Variants in ITPKB observed in about 807,000 individuals in gnomAD.
ITPKB encodes inositol-trisphosphate 3-kinase B, also known as IP3 3-kinase B.
ITPKB carries 13 observed loss-of-function variants against 69.4 expected under a neutral mutation model. That is an observed-to-expected ratio of 0.19 (90% confidence interval 0.12 to 0.30). The LOEUF (loss-of-function observed/expected upper bound fraction) is 0.30, where lower values mean the gene tolerates loss of function less well. ITPKB is among the 10% of genes least tolerant of loss of function. ITPKB has a pLI of 1.00. For synonymous variants in ITPKB, 584 were observed against 513.7 expected, an observed-to-expected ratio of 1.14 and a Z score of -1.85; for missense variants, 1,240 against 1,250.5, an observed-to-expected ratio of 0.99 and a Z score of 0.13.
At chr1:226,700,199 G>A (rs954839638) in intron 2 of ITPKB, among the ~76,000 whole-genome samples, 3 of 152,036 alleles carry the variant, frequency 2.0e-5, no homozygotes, top group Non-Finnish European at 4.4e-5. Context: ...GGCCAGACAC[G>A]GTGGCTTATG....
intron 7 of ITPKB, among the ~76,000 whole-genome samples, chr1:226,636,806 G>A (rs1439631161): frequency 6.6e-6 from 1 of 151,008 alleles, no homozygotes; most frequent in Non-Finnish European, 1.5e-5. Flanking sequence ...GACTGGGAAA[G>A]GCATGCATGT....
Position 226,736,202 on chromosome 1 carries a change from G to A in ITPKB, c.1257C>T (p.Ala419=). The A allele has an allele frequency of 6.5e-7, 1 of 1,535,314 alleles. No individual in the cohort carries two copies. The highest frequency in any genetic ancestry group is 2.3e-5 in the East Asian group (1 of 44,300). The change falls in exon 2 of 8, where the codon GCC becomes GCT. Residue 419 remains alanine (A), a synonymous_variant. Coordinates refer to ENST00000429204, the MANE Select transcript of ITPKB (RefSeq NM_002221.4). ...LSWSRLPRAL[A]SVGPEEARSG... is the part of the protein sequence containing the mutation. ...TTCGGGCCTCCTCAGGGCCTACGGA[G>A]GCCAGGGCCCTGGGCAGCCTGGACC...
intron 2 of ITPKB, among the ~76,000 whole-genome samples, chr1:226,668,162 T>C (rs755949676): frequency 6.6e-6 from 1 of 152,256 alleles, no homozygotes; most frequent in Non-Finnish European, 1.5e-5. Context: ...TTTTGTCTAA[T>C]TCTGAACAAT....
chr1:226,684,201 C>T (rs981249378), intron 2 of ITPKB, among the ~76,000 whole-genome samples: 1 of 152,190 alleles, frequency 6.6e-6, no homozygotes, highest in Admixed American at 6.5e-5. Flanking sequence ...GAAATGGCAC[C>T]AGTCCAGGTG....
chr1:226,646,327 G>A lies in ITPKB; in HGVS notation c.2246+840C>T, dbSNP rs543205500. Among the ~76,000 whole-genome samples the A allele has an allele frequency of 3.9e-5, 6 of 152,336 alleles. No homozygotes were observed. In the East Asian group the frequency reaches 9.7e-4, roughly 25 times the overall value. On this transcript the variant is annotated intron_variant, in intron 4 of 7. Coordinates refer to ENST00000429204, the MANE Select transcript of ITPKB (RefSeq NM_002221.4). ...TGCACAGGGGAGAAGGAGCCGTGCT[G>A]TGGATGACTCAGGGTGGAAGGGCAG...
chr1:226,689,584 TG>T (rs1656299386), intron 2 of ITPKB, among the ~76,000 whole-genome samples: 1 of 150,804 alleles, frequency 6.6e-6, no homozygotes, highest in African/African-American at 2.4e-5. Flanking sequence ...TGTGTGTGTG[TG>T]TGTGTGTGTG....
intron 1 of ITPKB, 40 bp from the exon 2 acceptor site, chr1:226,737,703 C>T (rs1394658321): frequency 3.0e-6 from 2 of 670,648 alleles, no homozygotes; most frequent in Non-Finnish European, 3.8e-6. Context: ...CCCTGGAGGG[C>T]GCGCGGGGGG....
chr1:226,694,861 A>G (rs531191168), intron 2 of ITPKB, among the ~76,000 whole-genome samples: 2 of 152,364 alleles, frequency 1.3e-5, no homozygotes, highest in Admixed American at 6.5e-5. Context: ...ATCTGGCTTG[A>G]TCAAGGTCCA....
In ITPKB at chr1:226,735,924, G is replaced by A; in HGVS notation, c.1535C>T (p.Thr512Ile). 1 of 1,613,990 alleles carries A rather than the reference G, an allele frequency of 6.2e-7. No homozygotes were observed. ...QPGNSRVWQG[T>I]MEKAGLAWTR... The stretch of plus-strand genomic sequence containing the variant: ...CCAAGCCAAACCGGCTTTCTCCATG[G>A]TGCCCTGCCAAACCCTGGAGTTCCC... Residue 512 changes from threonine (T) to isoleucine (I), a missense_variant, in exon 2 of 8, where the codon ACC becomes ATC. This residue lies in a region of ITPKB where 992 missense variants were observed against 853.8 expected (regional missense o/e 1.16). Coordinates refer to ENST00000429204, the MANE Select transcript of ITPKB (RefSeq NM_002221.4).
intron 2 of ITPKB, among the ~76,000 whole-genome samples, chr1:226,706,908 G>A (rs749091399): frequency 6.6e-6 from 1 of 152,222 alleles, no homozygotes; most frequent in Non-Finnish European, 1.5e-5. Flanking sequence ...CAGCTGGCTA[G>A]CATCCAGGCA....
At position 226,671,669 on chromosome 1, in the gene ITPKB, G is replaced by A. The variant is rs541445771; in HGVS notation, c.1933-22898C>T. Among the ~76,000 whole-genome samples, 9 of 152,314 alleles carry A rather than the reference G, an allele frequency of 5.9e-5. No homozygotes were observed. In the South Asian group the frequency reaches 1.7e-3, roughly 28 times the overall value. ...GGAAAAGGGAGAACCCCAGGGAGGC[G>A]GGGAGAGGGGTGTGCTGGCTTAGTT... On this transcript the variant is annotated intron_variant, in intron 2 of 7. Coordinates refer to ENST00000429204, the MANE Select transcript of ITPKB (RefSeq NM_002221.4).
intron 7 of ITPKB, among the ~76,000 whole-genome samples, chr1:226,636,615 C>G (rs1470299473): frequency 6.6e-6 from 1 of 152,258 alleles, no homozygotes; most frequent in African/African-American, 2.4e-5. Flanking sequence ...TGTAAGACCC[C>G]ATACAAGAGG....
At chr1:226,731,418 A>C (rs10495249) in intron 2 of ITPKB, among the ~76,000 whole-genome samples, 1 of 152,124 alleles carries the variant, frequency 6.6e-6, no homozygotes, top group South Asian at 2.1e-4. Flanking sequence ...AATTGGTCTC[A>C]AGCAAAAGCA....
chr1:226,735,949 C>G lies in ITPKB; in HGVS notation c.1510G>C (p.Gly504Arg), dbSNP rs1469329681. Residue 504 changes from glycine to arginine, a missense_variant, in exon 2 of 8, where the codon GGG becomes CGG. Coordinates refer to ENST00000429204, the MANE Select transcript of ITPKB (RefSeq NM_002221.4). ...GTGCCCTGCCAAACCCTGGAGTTCC[C>G]AGGCTGCACACCCACCCTGTCCCCA... ...PPGDRVGVQP[G>R]NSRVWQGTME... The G allele has an allele frequency of 6.2e-7, 1 of 1,613,990 alleles. No individual in the cohort carries two copies. Among genetic ancestry groups the G allele is most frequent in the Non-Finnish European group, 8.5e-7 (1 of 1,180,028 alleles).
intron 2 of ITPKB, among the ~76,000 whole-genome samples, chr1:226,715,208 G>A (rs2102639833): frequency 1.3e-5 from 2 of 152,216 alleles, no homozygotes; most frequent in East Asian, 3.8e-4. Context: ...ACTAAGCTAT[G>A]CTTGTACATG....
intron 2 of ITPKB, among the ~76,000 whole-genome samples, chr1:226,700,465 C>CAAAAA (rs58320585): frequency 1.3e-4 from 7 of 53,960 alleles, no homozygotes; most frequent in African/African-American, 4.3e-4. Flanking sequence ...AAGACTCCGT[C>CAAAAA]AAAAAAAAAA....
chr1:226,690,143 T>G (rs962494767), intron 2 of ITPKB, among the ~76,000 whole-genome samples: 6 of 152,352 alleles, frequency 3.9e-5, no homozygotes, highest in Non-Finnish European at 7.3e-5. Context: ...AGTAGTGAGA[T>G]TGCTGGATTG....
chr1:226,643,816 CAT>C (rs3835706), intron 4 of ITPKB, among the ~76,000 whole-genome samples: 13,892 of 152,254 alleles, frequency 0.091, 700 homozygotes, highest in East Asian at 0.15. Flanking sequence ...CATACACACA[CAT>C]GTGCTCATGC....
chr1:226,675,989 G>GA (rs1263961624), intron 2 of ITPKB: 2 of 152,186 alleles, frequency 1.3e-5, no homozygotes, highest in East Asian at 3.8e-4. Flanking sequence ...AAAGTGGGGG[G>GA]ATCTCAACCA....
Sources: allele counts gnomAD v4.1 joint callset (sites outside exome capture counted in the v4.1 genomes callset), GRCh38; gene constraint gnomAD v4.1.1; regional missense constraint gnomAD v4.1.1; transcripts MANE v1.5; gene names NCBI Gene and HGNC (gene_info 2026-07-23, HGNC 2026-07-21).